DYSF: variants seen among roughly 807,000 people sequenced by gnomAD.
DYSF encodes dysferlin, also known as dystrophy-associated fer-1-like 1.
Under a neutral mutation model 274.9 loss-of-function variants are expected in DYSF, and 212 were observed. The observed-to-expected ratio is 0.77, with a 90% CI of 0.69 to 0.86. The LOEUF is 0.86. DYSF is among the 40% of genes least tolerant of loss of function. The probability of loss-of-function intolerance (pLI) is 0.00; values close to 1 mark genes in which losing one functional copy is unlikely to be tolerated. For synonymous variants in DYSF, 1,091 were observed against 1,078.7 expected (o/e 1.01, Z -0.22); for missense variants, 2,666 against 2,783.2 (o/e 0.96, Z 0.95).
intron 52 of DYSF, among the ~76,000 whole-genome samples, chr2:71,677,691 A>C (rs986921483): frequency 1.0e-5 from 1 of 95,540 alleles, no homozygotes; most frequent in Non-Finnish European, 2.3e-5. Flanking sequence ...GAATATAGCA[A>C]GTGTTTTGAG....
At chr2:71,677,034 A>G (rs2095234012) in intron 52 of DYSF, among the ~76,000 whole-genome samples, 3 of 152,108 alleles carry the variant, frequency 2.0e-5, no homozygotes, top group Non-Finnish European at 1.5e-5. Context: ...CACTGGAGGG[A>G]TGGAGAAATA....
chr2:71,493,724 C>T (rs202054668), intron 3 of DYSF, among the ~76,000 whole-genome samples: 10 of 151,826 alleles, frequency 6.6e-5, no homozygotes, highest in African/African-American at 2.2e-4. Flanking sequence ...TGATGGCATG[C>T]GCCTGTAGTC....
At chr2:71,501,253 G>C (rs939631896) in intron 3 of DYSF, among the ~76,000 whole-genome samples, 4 of 152,112 alleles carry the variant, frequency 2.6e-5, no homozygotes, top group African/African-American at 4.8e-5. Flanking sequence ...CTTTCAGAAA[G>C]GGTTAGAAAA....
chr2:71,649,026 GA>G (rs1215372713), intron 42 of DYSF, among the ~76,000 whole-genome samples: 1 of 150,426 alleles, frequency 6.6e-6, no homozygotes, highest in Non-Finnish European at 1.5e-5. Flanking sequence ...GCTAACCTGG[GA>G]AGTTATCTGG....
rs115170960 is a variant in DYSF at position 71,511,938 on chromosome 2, G to C, written c.460+17G>C. 0.036 allele frequency: 52,744 copies of C among 1,473,706 alleles called. 1,126 individuals are homozygous for C. The highest frequency in any genetic ancestry group is 0.039 in the Non-Finnish European group (41,907 of 1,077,312). 91.3% of individuals were successfully genotyped at this position (1,473,706 alleles called of 1,614,324 possible). On this transcript the variant is annotated intron_variant, in intron 5 of 55. Transcript: ENST00000410020. ...TAGTGGCAGGTGGGTAGCCCACGTT[G>C]GCCTGGCTGGGCCCCAGCAAGAAGG...
intron 17 of DYSF, among the ~76,000 whole-genome samples, chr2:71,541,402 G>GTAT (rs1559113864): frequency 6.6e-6 from 1 of 152,010 alleles, no homozygotes; most frequent in Non-Finnish European, 1.5e-5. Context: ...TTACGTTGAG[G>GTAT]TATAATTTAT....
chr2:71,647,331 CAT>C (rs1385245225), intron 42 of DYSF, among the ~76,000 whole-genome samples: 1 of 152,094 alleles, frequency 6.6e-6, no homozygotes, highest in Non-Finnish European at 1.5e-5. Context: ...AATTTGATCA[CAT>C]ATTAGTTTTG....
At chr2:71,522,680 A>G (rs2087428283) in intron 12 of DYSF, among the ~76,000 whole-genome samples, 1 of 152,160 alleles carries the variant, frequency 6.6e-6, no homozygotes, top group African/African-American at 2.4e-5. Context: ...ATCAGGCCAC[A>G]TTAACATGTC....
intron 3 of DYSF, among the ~76,000 whole-genome samples, chr2:71,484,202 A>G (rs1167891008): frequency 1.3e-5 from 2 of 151,530 alleles, no homozygotes; most frequent in African/African-American, 2.4e-5. Flanking sequence ...ACAGGTGCCC[A>G]CCACCACACC....
chr2:71,523,639 C>A (rs1204803131), intron 12 of DYSF, among the ~76,000 whole-genome samples: 1 of 151,364 alleles, frequency 6.6e-6, no homozygotes, highest in Non-Finnish European at 1.5e-5. Flanking sequence ...CTCCGCCTCC[C>A]GAGTTCAAGT....
intron 41 of DYSF, among the ~76,000 whole-genome samples, chr2:71,628,281 G>A (rs1033595120): frequency 2.6e-5 from 4 of 152,052 alleles, no homozygotes; most frequent in African/African-American, 9.7e-5. Context: ...AAGGAACTTA[G>A]ACTGCTTTAA....
chr2:71,597,100 C>T (rs1254336477), intron 32 of DYSF, among the ~76,000 whole-genome samples: 1 of 152,228 alleles, frequency 6.6e-6, no homozygotes, highest in Non-Finnish European at 1.5e-5. Flanking sequence ...TCTTGCTCTT[C>T]TCCCCTTTGT....
chr2:71,556,962 G>C (rs1283702663), intron 22 of DYSF, among the ~76,000 whole-genome samples: 1 of 152,204 alleles, frequency 6.6e-6, no homozygotes, highest in Non-Finnish European at 1.5e-5. Flanking sequence ...CATGGTCACT[G>C]ATCCAGCATC....
chr2:71,610,619 C>T (rs1375296160), intron 36 of DYSF, among the ~76,000 whole-genome samples: 3 of 152,210 alleles, frequency 2.0e-5, no homozygotes, highest in African/African-American at 7.2e-5. Context: ...AGACCCTCCC[C>T]AGCAGTGTGC....
chr2:71,684,027 A>G (rs1299427787), intron 55 of DYSF, among the ~76,000 whole-genome samples: 1 of 152,216 alleles, frequency 6.6e-6, no homozygotes, highest in East Asian at 1.9e-4. Flanking sequence ...GTCTAGAACC[A>G]GGGTGGTGAA....
At position 71,589,673 on chromosome 2, in the gene DYSF, C is replaced by T; in HGVS notation, c.3483C>T (p.Ser1161=). 1.2e-6 allele frequency: 2 copies of T among 1,614,154 alleles called. No individual in the cohort carries two copies. The highest frequency in any genetic ancestry group is 1.7e-6 in the Non-Finnish European group (2 of 1,179,988). The stretch of plus-strand genomic sequence containing the variant: ...TCGGTGTGAACAGACCCACGATTTC[C>T]TGCATATTCGACTGTAAGTGAGGCT... ...LSFGVNRPTI[S]CIFDYGNRYH... is the part of the protein sequence containing the mutation. Residue 1161 remains serine (S), a synonymous_variant, in exon 31 of 56, where the codon TCC becomes TCT. Coordinates refer to ENST00000410020, the MANE Select transcript of DYSF (RefSeq NM_001130987.2).
At position 71,664,408 on chromosome 2, in the gene DYSF, C is replaced by A. The variant is rs761625265; in HGVS notation, c.5144C>A (p.Ala1715Asp). The A allele has an allele frequency of 6.2e-7, 1 of 1,614,224 alleles. No individual in the cohort carries two copies. The highest frequency in any genetic ancestry group is 1.7e-5 in the Admixed American group (1 of 60,026). ...AACAGGCTGCTGTCCAAGTTTGGGG[C>A]TCGCTGTGGACTCCCACAGACCTAC... ...LENRLLSKFGARCGLPQTYCV... is the reference protein window; with the variant it reads ...LENRLLSKFGDRCGLPQTYCV... The change falls in exon 46 of 56, where the codon GCT becomes GAT. Residue 1715 changes from alanine (A) to aspartate (D), a missense_variant. Physicochemically the swap from Ala to Asp is moderately radical, Grantham distance 126. Coordinates refer to ENST00000410020, the MANE Select transcript of DYSF (RefSeq NM_001130987.2).
chr2:71,571,810 A>G (rs1364772752), intron 29 of DYSF, among the ~76,000 whole-genome samples: 43 of 143,304 alleles, frequency 3.0e-4, no homozygotes, highest in African/African-American at 1.1e-3. Context: ...CACAGCTCAC[A>G]CCCAGCACAC....
At chr2:71,549,500 T>A in intron 17 of DYSF, 1 of 1,078,352 alleles carries the variant, frequency 9.3e-7, no homozygotes, top group Non-Finnish European at 1.4e-6. Flanking sequence ...GAGGTGGGAT[T>A]GAGATTCCCC....
Sources: gnomAD v4.1 joint callset for allele counts (sites outside exome capture counted in the v4.1 genomes callset) on GRCh38, gnomAD v4.1.1 for gene constraint, MANE v1.5 for transcripts, NCBI Gene and HGNC (gene_info 2026-07-23, HGNC 2026-07-21) for gene names.